The following BAZ2B variants were observed in gnomAD, a reference collection of about 807,000 sequenced individuals.
BAZ2B encodes bromodomain adjacent to zinc finger domain 2B.
BAZ2B carries 91 observed loss-of-function variants against 246.0 expected under a neutral mutation model. That is an observed-to-expected ratio of 0.37 (90% CI 0.31 to 0.44). The LOEUF is 0.44. Among genes scored for constraint, BAZ2B ranks in the 20% least tolerant of loss-of-function variants. The pLI, the probability that BAZ2B is intolerant of heterozygous loss-of-function variation, is 1.00. For synonymous variants in BAZ2B, 855 were observed against 860.0 expected (o/e 0.99, Z 0.10); for missense variants, 2,332 against 2,533.7 (o/e 0.92, Z 1.71).
intron 20 of BAZ2B, among the ~76,000 whole-genome samples, chr2:159,391,394 C>T (rs2063315938): frequency 6.6e-6 from 1 of 152,122 alleles, no homozygotes; most frequent in Admixed American, 6.6e-5. Context: ...ACACACTTCT[C>T]AGAATGTATT....
intron 2 of BAZ2B, among the ~76,000 whole-genome samples, chr2:159,526,565 TA>T (rs1186512359): frequency 1.3e-5 from 2 of 152,196 alleles, no homozygotes; most frequent in Non-Finnish European, 2.9e-5. Context: ...TATATATCTT[TA>T]ATATGCTAAC....
the BAZ2B span, among the ~76,000 whole-genome samples, chr2:159,664,000 A>G: frequency 1.3e-5 from 1 of 76,586 alleles, no homozygotes; most frequent in African/African-American, 4.9e-5. Context: ...AGCATTAGGT[A>G]TATCTCCCAA....
At chr2:159,662,632 C>T in the BAZ2B span, among the ~76,000 whole-genome samples, 286 of 152,286 alleles carry the variant, frequency 1.9e-3, 7 homozygotes, top group Admixed American at 0.017. Flanking sequence ...TCAAGTGATT[C>T]TCCTGCCTCA....
At chr2:159,395,071 T>C (rs1417773714) in intron 20 of BAZ2B, among the ~76,000 whole-genome samples, 1 of 152,016 alleles carries the variant, frequency 6.6e-6, no homozygotes, top group Non-Finnish European at 1.5e-5. Context: ...AAAAATCCCA[T>C]ACCTAGGAGG....
In BAZ2B at chr2:159,340,928, C is replaced by G. The variant is rs1384826800; in HGVS notation, c.5455-3156G>C. On this transcript the variant is annotated intron_variant, in intron 31 of 36. Transcript: ENST00000392783. Reference sequence around the variant, plus strand: ...ATCCTTATGGAAAAACACCCAGCCACAAAAATAAATAATAATCAAGGAAGT... The same window carrying G: ...ATCCTTATGGAAAAACACCCAGCCAGAAAAATAAATAATAATCAAGGAAGT... Among the ~76,000 whole-genome samples, 2 of 151,834 alleles carry G rather than the reference C, an allele frequency of 1.3e-5. 1 individual carries two copies. The highest frequency in any genetic ancestry group is 2.9e-5 in the Non-Finnish European group (2 of 67,906).
At chr2:159,562,183 T>C (rs2089939905) in intron 1 of BAZ2B, among the ~76,000 whole-genome samples, 1 of 152,204 alleles carries the variant, frequency 6.6e-6, no homozygotes, top group Non-Finnish European at 1.5e-5. Context: ...CACTTGTCTT[T>C]ATTGTTCTGT....
chr2:159,669,322 C>T, the BAZ2B span, among the ~76,000 whole-genome samples: 6 of 152,024 alleles, frequency 3.9e-5, no homozygotes, highest in East Asian at 9.6e-4. Context: ...TAATTTCATT[C>T]CTTTTAAGTT....
At chr2:159,458,646 C>G (rs1379129086) in intron 3 of BAZ2B, 1 of 152,332 alleles carries the variant, frequency 6.6e-6, no homozygotes, top group East Asian at 1.9e-4. Context: ...TTTCAAAACC[C>G]ATTATCATCC....
chr2:159,645,075 G>C, the BAZ2B span, among the ~76,000 whole-genome samples: 1 of 152,030 alleles, frequency 6.6e-6, no homozygotes, highest in Non-Finnish European at 1.5e-5. Context: ...AGGAGTTCGA[G>C]ACCAGCCTGG....
intron 3 of BAZ2B, chr2:159,464,647 A>G (rs775293953): frequency 6.6e-6 from 1 of 152,196 alleles, no homozygotes; most frequent in Non-Finnish European, 1.5e-5. Flanking sequence ...CTGCCATTTA[A>G]TAACATCAAA....
chr2:159,643,133 T>C, the BAZ2B span, among the ~76,000 whole-genome samples: 1 of 152,234 alleles, frequency 6.6e-6, no homozygotes, highest in Non-Finnish European at 1.5e-5. Flanking sequence ...ACATTTTACT[T>C]GTTTGCTTCA....
In BAZ2B at chr2:159,382,700, G is replaced by A. The variant is rs369024799; in HGVS notation, c.3864C>T (p.Arg1288=). ...TGTCTCCTCCCTTCCTTCTTCGCTT[G>A]CGTCCTGGAGTGGGTGTGCCCAAGG... ...QHPLGTPTPG[R]KRRRKGGDSD... Residue 1288 remains arginine (R), a synonymous_variant, in exon 25 of 37, where the codon CGC becomes CGT. Transcript: ENST00000392783. The A allele has an allele frequency of 3.7e-6, 6 of 1,612,720 alleles. No individual in the cohort carries two copies. Among genetic ancestry groups the A allele is most frequent in the Non-Finnish European group, 5.1e-6 (6 of 1,179,604 alleles).
chr2:159,633,400 C>T, the BAZ2B span, among the ~76,000 whole-genome samples: 1 of 152,086 alleles, frequency 6.6e-6, no homozygotes, highest in East Asian at 1.9e-4. Flanking sequence ...TAGAGACAGG[C>T]GAAGGAGAAT....
chr2:159,407,973 G>C (rs1183213009), intron 14 of BAZ2B, among the ~76,000 whole-genome samples: 1 of 152,096 alleles, frequency 6.6e-6, no homozygotes, highest in Non-Finnish European at 1.5e-5. Context: ...CTACAATAGA[G>C]GCCTGACTTT....
the BAZ2B span, among the ~76,000 whole-genome samples, chr2:159,704,482 C>CTTTT: frequency 1.7e-5 from 2 of 117,012 alleles, no homozygotes; most frequent in African/African-American, 3.2e-5. Flanking sequence ...CTTTCTTTTT[C>CTTTT]TTTTTTTTTT....
Position 159,616,450 on chromosome 2 carries a change from T to A in BAZ2B, c.-254A>T, listed in dbSNP as rs974529435. On this transcript the variant is annotated 5_prime_UTR_variant, in exon 1 of 37. Coordinates refer to ENST00000392783, the MANE Select transcript of BAZ2B (RefSeq NM_013450.4). ...TCTCCGTCTTCCGCCTCTCTCTCTCTGATTAGTTCCTATCCAGCAGCAGAT... is the reference window on the plus strand; with the variant it reads ...TCTCCGTCTTCCGCCTCTCTCTCTCAGATTAGTTCCTATCCAGCAGCAGAT... The A allele has an allele frequency of 7.9e-5, 12 of 152,248 alleles. No homozygotes were observed. Among genetic ancestry groups the A allele is most frequent in the Non-Finnish European group, 1.8e-4 (12 of 68,054 alleles). 9.4% of individuals were successfully genotyped at this position (152,248 alleles called of 1,614,324 possible).
Position 159,601,792 on chromosome 2 carries a change from C to T in BAZ2B, c.-46+14450G>A, listed in dbSNP as rs568635539. On this transcript the variant is annotated intron_variant, in intron 1 of 36. Coordinates refer to ENST00000392783, the MANE Select transcript of BAZ2B (RefSeq NM_013450.4). ...ATCTTTAAAAATACATATAACAAAC[C>T]AAAAGGTAATATCATAAAAAAAGTT... Among the ~76,000 whole-genome samples the T allele has an allele frequency of 2.0e-5, 3 of 152,072 alleles. No homozygotes were observed. In the South Asian group the frequency reaches 6.2e-4, roughly 32 times the overall value.
rs190464856 is a variant in BAZ2B, at chr2:159,471,777, T to C, written c.145+6798A>G. 9.2e-3 allele frequency among the ~76,000 whole-genome samples: 1,408 copies of C among 152,298 alleles called. 15 individuals are homozygous for C. The highest frequency in any genetic ancestry group is 0.014 in the Non-Finnish European group (950 of 68,026). On this transcript the variant is annotated intron_variant, in intron 3 of 36. Coordinates refer to ENST00000392783, the MANE Select transcript of BAZ2B (RefSeq NM_013450.4). ...TAATAAAAAACCAATAGATATTTGCTATTGTCTGTGAAAGTTAAGAGCCAT... is the reference window on the plus strand; with the variant it reads ...TAATAAAAAACCAATAGATATTTGCCATTGTCTGTGAAAGTTAAGAGCCAT...
chr2:159,327,508 TTTAG>T (rs1040788746), intron 34 of BAZ2B, among the ~76,000 whole-genome samples: 3 of 152,174 alleles, frequency 2.0e-5, no homozygotes, highest in Non-Finnish European at 4.4e-5. Flanking sequence ...CTCTTCTCCA[TTTAG>T]TTATTTATAT....
Sources: allele counts gnomAD v4.1 joint callset (sites outside exome capture counted in the v4.1 genomes callset), GRCh38; gene constraint gnomAD v4.1.1; transcripts MANE v1.5; gene names NCBI Gene and HGNC (gene_info 2026-07-23, HGNC 2026-07-21).